Variants in C1orf21 observed in about 807,000 individuals in gnomAD.
C1orf21 encodes the protein uncharacterized protein C1orf21.
Under a neutral mutation model 18.7 loss-of-function variants are expected in C1orf21, and 3 were observed. That is an observed-to-expected ratio of 0.16 (90% confidence interval 0.07 to 0.42). The LOEUF (loss-of-function observed/expected upper bound fraction) is 0.42. Ranked by LOEUF, C1orf21 falls within the 10% of genes least tolerant of loss-of-function variation. C1orf21 has a pLI of 0.99. For synonymous variants in C1orf21, 41 were observed against 46.4 expected (o/e 0.88, Z 0.47); for missense variants, 104 against 143.6 (o/e 0.72, Z 1.41).
At chr1:184,556,114 A>C (rs1333172906) in intron 3 of C1orf21, among the ~76,000 whole-genome samples, 1 of 152,032 alleles carries the variant, frequency 6.6e-6, no homozygotes, top group Non-Finnish European at 1.5e-5. Context: ...ACACACACTG[A>C]GAGGCATCCA....
At chr1:184,425,994 T>G (rs1427474801) in intron 1 of C1orf21, among the ~76,000 whole-genome samples, 1 of 152,246 alleles carries the variant, frequency 6.6e-6, no homozygotes, top group Non-Finnish European at 1.5e-5. Context: ...GGGTCTTTGA[T>G]ATTGGCCATC....
At chr1:184,553,668 G>T (rs866471052) in intron 3 of C1orf21, among the ~76,000 whole-genome samples, 3 of 152,164 alleles carry the variant, frequency 2.0e-5, no homozygotes, top group Non-Finnish European at 4.4e-5. Flanking sequence ...GAGACCCAAA[G>T]ATCCAGGAGC....
chr1:184,499,646 A>G (rs2101960198), intron 2 of C1orf21, among the ~76,000 whole-genome samples: 1 of 152,194 alleles, frequency 6.6e-6, no homozygotes, highest in East Asian at 1.9e-4. Flanking sequence ...CTCCTGAAAA[A>G]ATTACTTCTT....
intron 3 of C1orf21, among the ~76,000 whole-genome samples, chr1:184,511,737 G>T (rs188679535): frequency 6.8e-4 from 103 of 152,268 alleles, no homozygotes; most frequent in Admixed American, 5.8e-3. Context: ...CCGCATGGCT[G>T]GGGAGGCCTC....
At chr1:184,596,602 G>A (rs1414510087) in intron 4 of C1orf21, among the ~76,000 whole-genome samples, 1 of 152,172 alleles carries the variant, frequency 6.6e-6, no homozygotes, top group Non-Finnish European at 1.5e-5. Flanking sequence ...AGGCGCAGTG[G>A]CTTACGCCTA....
At chr1:184,607,685 A>T (rs1364542900) in intron 5 of C1orf21, among the ~76,000 whole-genome samples, 1 of 146,338 alleles carries the variant, frequency 6.8e-6, no homozygotes. Context: ...ATATATACAT[A>T]TATGTGTGTG....
At chr1:184,583,211 T>C (rs1659302894) in intron 3 of C1orf21, among the ~76,000 whole-genome samples, 1 of 152,168 alleles carries the variant, frequency 6.6e-6, no homozygotes, top group African/African-American at 2.4e-5. Context: ...AATAAGGGAT[T>C]GGGAAGCTCG....
chr1:184,605,654 C>T (rs1223132039), intron 5 of C1orf21, among the ~76,000 whole-genome samples: 1 of 152,180 alleles, frequency 6.6e-6, no homozygotes, highest in African/African-American at 2.4e-5. Context: ...ATGCTTCAAA[C>T]CTGGGCCAAA....
At chr1:184,603,656 C>T (rs1458677803) in intron 5 of C1orf21, among the ~76,000 whole-genome samples, 1 of 152,070 alleles carries the variant, frequency 6.6e-6, no homozygotes, top group African/African-American at 2.4e-5. Flanking sequence ...TTAGCCAGGC[C>T]TGATAGTGCA....
chr1:184,447,701 A>C (rs1159105575), intron 1 of C1orf21, among the ~76,000 whole-genome samples: 1 of 152,104 alleles, frequency 6.6e-6, no homozygotes, highest in Admixed American at 6.5e-5. Flanking sequence ...TATTTGGTAC[A>C]ATGTCTCAGT....
intron 1 of C1orf21, among the ~76,000 whole-genome samples, chr1:184,437,972 C>G (rs1484177642): frequency 2.0e-5 from 3 of 152,120 alleles, no homozygotes; most frequent in Non-Finnish European, 4.4e-5. Flanking sequence ...GATGCCATCA[C>G]TCATCTGACA....
chr1:184,510,728 AG>A (rs1658131614), intron 3 of C1orf21, among the ~76,000 whole-genome samples: 1 of 152,252 alleles, frequency 6.6e-6, no homozygotes, highest in Non-Finnish European at 1.5e-5. Context: ...CTTAATGTCC[AG>A]CCAAGAGGCC....
chr1:184,402,944 G>T (rs1400766216), intron 1 of C1orf21, among the ~76,000 whole-genome samples: 9 of 152,228 alleles, frequency 5.9e-5, no homozygotes, highest in Admixed American at 5.9e-4. Flanking sequence ...ATTTTGAACA[G>T]ACTATACCTT....
intron 3 of C1orf21, among the ~76,000 whole-genome samples, chr1:184,553,078 T>A (rs533421827): frequency 1.3e-5 from 2 of 152,300 alleles, no homozygotes; most frequent in East Asian, 3.9e-4. Flanking sequence ...GCTGTGCATG[T>A]CTACAGGGCC....
At chr1:184,500,957 C>T (rs1394533202) in intron 2 of C1orf21, among the ~76,000 whole-genome samples, 1 of 152,198 alleles carries the variant, frequency 6.6e-6, no homozygotes, top group Non-Finnish European at 1.5e-5. Context: ...TTCTCTGGCT[C>T]CTTCCTAGTC....
chr1:184,410,644 TA>T lies in C1orf21; in HGVS notation c.-125+23277del, dbSNP rs1367001510. 3.5e-3 allele frequency among the ~76,000 whole-genome samples: 18 copies of T among 5,178 alleles called. 4 individuals carry two copies. The East Asian group carries it at 0.038, about 11-fold the overall frequency. 3.4% of individuals were successfully genotyped at this position (5,178 alleles called of 152,430 possible). A position where few individuals can be genotyped will look rare whatever the true frequency, so the allele number is the denominator to read the frequency against. On this transcript the variant is annotated intron_variant, in intron 1 of 5. Transcript: ENST00000235307. ...ATATATATATATATATATATATATA[TA>T]TATATATATATATATATATTTTTTT...
intron 3 of C1orf21, among the ~76,000 whole-genome samples, chr1:184,568,798 T>G (rs1370991861): frequency 6.6e-6 from 1 of 152,228 alleles, no homozygotes; most frequent in Non-Finnish European, 1.5e-5. Flanking sequence ...CCTCCATTCT[T>G]GTGCCTCAGC....
intron 3 of C1orf21, among the ~76,000 whole-genome samples, chr1:184,517,525 T>C (rs1175392755): frequency 1.4e-5 from 2 of 146,142 alleles, no homozygotes; most frequent in African/African-American, 5.2e-5. Context: ...CTTTTGAGAA[T>C]AAAGTGAAAG....
At chr1:184,391,264 TTTG>T (rs1655967312) in intron 1 of C1orf21, among the ~76,000 whole-genome samples, 1 of 152,206 alleles carries the variant, frequency 6.6e-6, no homozygotes, top group African/African-American at 2.4e-5. Context: ...TCTTTGCTTT[TTTG>T]TTAACTATAT....
Sources: gnomAD v4.1 joint callset for allele counts (sites outside exome capture counted in the v4.1 genomes callset) on GRCh38, gnomAD v4.1.1 for gene constraint, MANE v1.5 for transcripts, NCBI Gene and HGNC (gene_info 2026-07-23, HGNC 2026-07-21) for gene names.